Variants in WNK2 observed in about 807,000 individuals in gnomAD.
The protein encoded by WNK2 is WNK lysine deficient protein kinase 2.
In WNK2, 67 loss-of-function variants were observed where a neutral mutation model predicts 192.1. That is an observed-to-expected ratio of 0.35 (90% CI 0.29 to 0.43). The LOEUF (loss-of-function observed/expected upper bound fraction) is 0.43, where lower values mean the gene tolerates loss of function less well. Among genes scored for constraint, WNK2 ranks in the 20% least tolerant of loss-of-function variants. WNK2 has a pLI of 1.00. For synonymous variants in WNK2, 1,439 were observed against 1,393.9 expected (o/e 1.03, Z -0.72); for missense variants, 2,698 against 3,089.7 (o/e 0.87, Z 3.01).
intron 2 of WNK2, among the ~76,000 whole-genome samples, chr9:93,223,024 T>TG (rs1564022788): frequency 6.6e-6 from 1 of 152,232 alleles, no homozygotes; most frequent in Non-Finnish European, 1.5e-5. Flanking sequence ...AAACACACAC[T>TG]GGCTCACCTG....
intron 2 of WNK2, among the ~76,000 whole-genome samples, chr9:93,211,678 A>G (rs1463435183): frequency 3.3e-5 from 5 of 149,426 alleles, no homozygotes; most frequent in African/African-American, 7.5e-5. Flanking sequence ...ATTCACTCCT[A>G]TTCACTCACT....
At chr9:93,226,762 A>G (rs1170580443) in intron 2 of WNK2, among the ~76,000 whole-genome samples, 1 of 151,856 alleles carries the variant, frequency 6.6e-6, no homozygotes, top group Non-Finnish European at 1.5e-5. Context: ...GTTCAGTCCT[A>G]TGCTTTTGGC....
chr9:93,296,529 T>A, intron 23 of WNK2, among the ~76,000 whole-genome samples: 1 of 17,930 alleles, frequency 5.6e-5, no homozygotes, highest in East Asian at 1.4e-3. Context: ...CCCCTTGGCC[T>A]CCTCCCCTCT....
In WNK2 at chr9:93,263,707, C is replaced by T. The variant is rs772640104; in HGVS notation, c.3552C>T (p.Ala1184=). The stretch of plus-strand genomic sequence containing the variant: ...GTGCGCGCTCCCGGCAGGAGAGGGC[C>T]AGCCGGCCCCGGCTTACCATCTTGA... ...STRARSRQER[A]SRPRLTILNV... Residue 1184 remains alanine, a synonymous_variant, in exon 15 of 30, where the codon GCC becomes GCT. Transcript: ENST00000427277. 2.0e-6 allele frequency: 3 copies of T among 1,530,898 alleles called. No individual in the cohort carries two copies. Among genetic ancestry groups the T allele is most frequent in the Non-Finnish European group, 2.6e-6 (3 of 1,144,208 alleles). 94.8% of individuals were successfully genotyped at this position (1,530,898 alleles called of 1,614,324 possible). A position where few individuals can be genotyped will look rare whatever the true frequency, so the allele number is the denominator to read the frequency against.
intron 28 of WNK2, among the ~76,000 whole-genome samples, chr9:93,313,518 T>A (rs1240188903): frequency 6.6e-6 from 1 of 152,172 alleles, no homozygotes; most frequent in African/African-American, 2.4e-5. Context: ...GCCTTGTCTT[T>A]TCTTGTGACT....
At chr9:93,254,755 A>G (rs1221422051) in intron 9 of WNK2, among the ~76,000 whole-genome samples, 5 of 152,152 alleles carry the variant, frequency 3.3e-5, no homozygotes, top group Admixed American at 1.3e-4. Context: ...CTTGAGCCCA[A>G]GAGTTCCAGG....
intron 29 of WNK2, chr9:93,318,865 T>C: frequency 7.1e-7 from 1 of 1,399,200 alleles, no homozygotes; most frequent in Non-Finnish European, 9.3e-7. Context: ...CACCTCCCAC[T>C]GGAAAGCAGA....
rs746246549 is a variant in WNK2, at chr9:93,289,964, G to T, written c.4867-14G>T. 6.4e-7 allele frequency: 1 copy of T among 1,558,030 alleles called. No homozygotes were observed. Among genetic ancestry groups the T allele is most frequent in the South Asian group, 1.2e-5 (1 of 84,390 alleles). ...AGTCTCACGGCTCTTCTCTTTTTGT[G>T]TTTCTTTCTCCAGGTGGAGAAGTCA... On this transcript the variant is annotated splice_polypyrimidine_tract_variant and intron_variant, in intron 20 of 29. Coordinates refer to ENST00000427277, the MANE Select transcript of WNK2 (RefSeq NM_006648.4).
intron 2 of WNK2, among the ~76,000 whole-genome samples, chr9:93,194,275 C>A (rs1035695514): frequency 5.3e-5 from 8 of 152,300 alleles, no homozygotes; most frequent in African/African-American, 1.4e-4. Flanking sequence ...AATGAGAAGA[C>A]AGGCCACAGC....
intron 7 of WNK2, among the ~76,000 whole-genome samples, chr9:93,241,819 C>T (rs751717563): frequency 6.6e-5 from 10 of 152,110 alleles, no homozygotes; most frequent in South Asian, 2.1e-4. Context: ...TAGGTTACGC[C>T]GTGAGGTCAG....
At chr9:93,279,017 C>T (rs1564154636) in intron 19 of WNK2, among the ~76,000 whole-genome samples, 2 of 152,204 alleles carry the variant, frequency 1.3e-5, no homozygotes, top group Admixed American at 1.3e-4. Context: ...CTACAGGCAA[C>T]ATCATACTTA....
chr9:93,318,474 AGTT>A lies in WNK2; in HGVS notation c.6628+848_6628+850del, dbSNP rs747820340. 3.1e-6 allele frequency: 5 copies of A among 1,613,968 alleles called. No individual in the cohort carries two copies. In the African/African-American group the frequency reaches 5.3e-5, roughly 17 times the overall value. The stretch of plus-strand genomic sequence containing the variant: ...AGCTGCTTGCTCAGTAGGGAATGTC[AGTT>A]GTTGCGCTGGGCCATGAGAAATCCG... On this transcript the variant is annotated intron_variant, in intron 29 of 29. Coordinates refer to ENST00000427277, the MANE Select transcript of WNK2 (RefSeq NM_006648.4).
chr9:93,255,383 A>G (rs1035037624), intron 9 of WNK2, among the ~76,000 whole-genome samples: 5 of 152,318 alleles, frequency 3.3e-5, no homozygotes, highest in African/African-American at 1.2e-4. Flanking sequence ...GGCTGTGTAC[A>G]GTGCCCAGAG....
At position 93,298,037 on chromosome 9, in the gene WNK2, C is replaced by T. The variant is rs772446726; in HGVS notation, c.5893C>T (p.Arg1965Trp). The stretch of plus-strand genomic sequence containing the variant: ...AGGCAAGCTGCTAAATCCCCTGGTG[C>T]GGCAGCTCAAGGTCGTGGCCTCCAG... ...KAGKLLNPLV[R>W]QLKVVASSTG... is the part of the protein sequence containing the mutation. The change falls in exon 24 of 30, where the codon CGG (arginine) becomes TGG (tryptophan). Residue 1965 changes from arginine (R) to tryptophan (W), a missense_variant. Physicochemically the swap from Arg to Trp is moderately radical, Grantham distance 101 (BLOSUM62 -3). Transcript: ENST00000427277. 10 of 1,552,132 alleles carry T rather than the reference C, an allele frequency of 6.4e-6. No individual in the cohort carries two copies. The highest frequency in any genetic ancestry group is 3.4e-4 in the Middle Eastern group (2 of 5,934).
At chr9:93,223,724 G>A (rs925025332) in intron 2 of WNK2, among the ~76,000 whole-genome samples, 2 of 152,246 alleles carry the variant, frequency 1.3e-5, no homozygotes, top group Non-Finnish European at 2.9e-5. Context: ...CCCAGCTTGG[G>A]TCGACTGGTT....
Position 93,299,200 on chromosome 9 carries a change from C to A in WNK2, c.6054C>A (p.Ala2018=). ...CCCAGCAGCCCTGCTCCGTCCGGGC[C>A]TCCCTGTCTTCGGACATCTGCTCCG... The part of the protein sequence containing the change: ...VQTQQPCSVR[A]SLSSDICSGL... The change falls in exon 25 of 30, where the codon GCC becomes GCA. Residue 2018 remains alanine, a synonymous_variant. Coordinates refer to ENST00000427277, the MANE Select transcript of WNK2 (RefSeq NM_006648.4). 1 of 1,600,202 alleles carries A rather than the reference C, an allele frequency of 6.2e-7. No individual in the cohort carries two copies. Among genetic ancestry groups the A allele is most frequent in the Non-Finnish European group, 8.5e-7 (1 of 1,170,326 alleles).
At position 93,317,624 on chromosome 9, in the gene WNK2, C is replaced by G; in HGVS notation, c.6621C>G (p.Pro2207=). 6.2e-7 allele frequency: 1 copy of G among 1,612,984 alleles called. No individual in the cohort carries two copies. The highest frequency in any genetic ancestry group is 8.5e-7 in the Non-Finnish European group (1 of 1,179,808). ...GAGCCGCCCCGACCCTGTCCGTGCCCACACCAGGTACTGCCCTCTCCAACC... is the reference window on the plus strand; with the variant it reads ...GAGCCGCCCCGACCCTGTCCGTGCCGACACCAGGTACTGCCCTCTCCAACC... ...IPGAAPTLSV[P]TPDPESEKPD The change falls in exon 29 of 30, where the codon CCC becomes CCG. Residue 2207 remains proline, a synonymous_variant. Coordinates refer to ENST00000427277, the MANE Select transcript of WNK2 (RefSeq NM_006648.4).
At chr9:93,195,944 G>A (rs1335603896) in intron 2 of WNK2, among the ~76,000 whole-genome samples, 1 of 152,096 alleles carries the variant, frequency 6.6e-6, no homozygotes, top group Admixed American at 6.6e-5. Flanking sequence ...TGGTCTTGGT[G>A]CTATTTTGAA....
chr9:93,194,571 T>C (rs1830899617), intron 2 of WNK2, among the ~76,000 whole-genome samples: 1 of 152,242 alleles, frequency 6.6e-6, no homozygotes, highest in South Asian at 2.1e-4. Flanking sequence ...CTGGTGAGGA[T>C]GTGGAGTGAC....
Sources: allele counts gnomAD v4.1 joint callset (sites outside exome capture counted in the v4.1 genomes callset), GRCh38; gene constraint gnomAD v4.1.1; transcripts MANE v1.5; gene names NCBI Gene and HGNC (gene_info 2026-07-23, HGNC 2026-07-21).